The following TOGARAM1 variants were observed in gnomAD, a reference collection of about 807,000 sequenced individuals.
The protein encoded by TOGARAM1 is TOG array regulator of axonemal microtubules protein 1.
TOGARAM1 carries 100 observed loss-of-function variants against 166.6 expected under a neutral mutation model. The ratio of observed to expected loss-of-function variants is 0.60; its 90% CI spans 0.51 to 0.71. TOGARAM1 has a LOEUF of 0.71. TOGARAM1 is among the 30% of genes least tolerant of loss of function. The probability of loss-of-function intolerance (pLI) is 0.00; values close to 1 mark genes in which losing one functional copy is unlikely to be tolerated. For synonymous variants in TOGARAM1, 758 were observed against 763.8 expected (o/e 0.99, Z 0.13); for missense variants, 2,029 against 2,102.7 (o/e 0.96, Z 0.69).
At chr14:45,031,419 A>G (rs1035487913) in intron 10 of TOGARAM1, among the ~76,000 whole-genome samples, 2 of 152,186 alleles carry the variant, frequency 1.3e-5, no homozygotes, top group African/African-American at 4.8e-5. Flanking sequence ...GTCTTATTAT[A>G]GAGGAAACAT....
rs560588135 is a variant in TOGARAM1, at chr14:45,060,789, C to T, written c.4560-5789C>T. ...TAAAAGAAGTTATGCAAGAACACCA[C>T]AGAAGTGATGTTGTACCCTTCTCAC... On this transcript the variant is annotated intron_variant, in intron 16 of 19. Coordinates refer to ENST00000361462, the MANE Select transcript of TOGARAM1 (RefSeq NM_001308120.2). Among the ~76,000 whole-genome samples the T allele has an allele frequency of 3.0e-4, 46 of 152,264 alleles. No homozygotes were observed. The South Asian group carries it at 8.7e-3, about 29-fold the overall frequency.
chr14:44,978,368 A>G (rs1016899320), intron 1 of TOGARAM1: 1 of 152,264 alleles, frequency 6.6e-6, no homozygotes, highest in Non-Finnish European at 1.5e-5. Flanking sequence ...AATACTAACC[A>G]TACATGTATG....
chr14:45,019,903 G>A (rs932202797), intron 7 of TOGARAM1, among the ~76,000 whole-genome samples: 2 of 152,132 alleles, frequency 1.3e-5, no homozygotes, highest in African/African-American at 4.8e-5. Context: ...GGCATAGTAG[G>A]GGTCATGCAG....
At chr14:45,042,522 A>G (rs1215027149) in intron 11 of TOGARAM1, among the ~76,000 whole-genome samples, 1 of 152,128 alleles carries the variant, frequency 6.6e-6, no homozygotes, top group Admixed American at 6.6e-5. Context: ...ACATGAAGAA[A>G]ACAACTAATA....
chr14:44,983,766 T>C (rs1886651113), intron 1 of TOGARAM1, among the ~76,000 whole-genome samples: 1 of 152,236 alleles, frequency 6.6e-6, no homozygotes, highest in African/African-American at 2.4e-5. Flanking sequence ...TCTGAAAAGA[T>C]TTAATTTTCT....
intron 13 of TOGARAM1, among the ~76,000 whole-genome samples, chr14:45,045,180 A>C (rs1049107362): frequency 6.6e-6 from 1 of 151,892 alleles, no homozygotes; most frequent in African/African-American, 2.4e-5. Flanking sequence ...TTTTTATTTC[A>C]ATAGCTTTTA....
intron 1 of TOGARAM1, among the ~76,000 whole-genome samples, chr14:44,980,941 T>C (rs974115716): frequency 2.6e-5 from 4 of 152,144 alleles, no homozygotes; most frequent in African/African-American, 7.2e-5. Context: ...AGATGTGAGT[T>C]GTTCAGTTTT....
At chr14:45,042,575 T>C (rs1594683936) in intron 11 of TOGARAM1, among the ~76,000 whole-genome samples, 1 of 152,240 alleles carries the variant, frequency 6.6e-6, no homozygotes, top group Middle Eastern at 3.4e-3. Flanking sequence ...TATATCTATA[T>C]TATAATTGTA....
chr14:45,043,601 C>A (rs1353036128), intron 11 of TOGARAM1, 85 bp from the exon 12 acceptor site: 2 of 819,714 alleles, frequency 2.4e-6, no homozygotes, highest in Non-Finnish European at 2.1e-6. Flanking sequence ...TGGCAATATT[C>A]CATACACAGA....
chr14:45,040,313 G>T (rs1056211025), intron 11 of TOGARAM1, among the ~76,000 whole-genome samples: 1 of 152,134 alleles, frequency 6.6e-6, no homozygotes, highest in African/African-American at 2.4e-5. Flanking sequence ...CCAAATTAAA[G>T]AGGAATATGT....
At chr14:45,034,556 T>C (rs541627925) in intron 11 of TOGARAM1, among the ~76,000 whole-genome samples, 2 of 152,258 alleles carry the variant, frequency 1.3e-5, no homozygotes, top group African/African-American at 4.8e-5. Context: ...GTCAGGAGCA[T>C]ATACAATGTT....
rs759240451 is a variant in TOGARAM1, at chr14:45,073,350, T to G, written c.5111T>G (p.Leu1704Trp). ...RKPHATEQKV[L>W]VVLWHLLGNM... ...CCGCATGCCACAGAGCAGAAAGTGT[T>G]GGTTGTTTTATGGCATCTCTTAGGA... The change falls in exon 20 of 20, where the codon TTG becomes TGG. Residue 1704 changes from leucine to tryptophan, a missense_variant. Transcript: ENST00000361462. 7.4e-6 allele frequency: 12 copies of G among 1,614,176 alleles called. No homozygotes were observed.
chr14:45,019,567 G>T (rs767057297), intron 7 of TOGARAM1, among the ~76,000 whole-genome samples: 1 of 152,122 alleles, frequency 6.6e-6, no homozygotes, highest in Non-Finnish European at 1.5e-5. Context: ...TTGCCAGCTC[G>T]AATGCCTGGG....
chr14:45,011,836 GT>G (rs33926322), intron 6 of TOGARAM1, 138 bp from the exon 7 acceptor site: 9,156 of 553,192 alleles, frequency 0.017, 671 homozygotes, highest in African/African-American at 0.16. Flanking sequence ...GTTAGCCATA[GT>G]TTTTCAAGTG....
At position 44,962,863 on chromosome 14, in the gene TOGARAM1, G is replaced by C. The variant is rs1885258782; in HGVS notation, c.442G>C (p.Gly148Arg). The C allele has an allele frequency of 6.2e-7, 1 of 1,613,766 alleles. No homozygotes were observed. The highest frequency in any genetic ancestry group is 1.1e-5 in the South Asian group (1 of 91,080). The change falls in exon 1 of 20, where the codon GGT becomes CGT. Residue 148 changes from glycine (G) to arginine (R), a missense_variant. By Grantham distance (125) the Gly-to-Arg change is moderately radical. Coordinates refer to ENST00000361462, the MANE Select transcript of TOGARAM1 (RefSeq NM_001308120.2). ...ACTGGGCCGAGTGCTTGTGGAAGGAGGTAGTGATGAGAAGCGGCTCTGCTT... is the reference window on the plus strand; with the variant it reads ...ACTGGGCCGAGTGCTTGTGGAAGGACGTAGTGATGAGAAGCGGCTCTGCTT... The part of the protein sequence containing the change: ...RALGRVLVEG[G>R]SDEKRLCLQL...
intron 10 of TOGARAM1, among the ~76,000 whole-genome samples, chr14:45,030,021 C>T (rs1449853338): frequency 6.6e-6 from 1 of 152,038 alleles, no homozygotes; most frequent in Non-Finnish European, 1.5e-5. Flanking sequence ...GGGGTTTCAC[C>T]ATGTTGGACA....
chr14:44,963,714 G>C lies in TOGARAM1; in HGVS notation c.1293G>C (p.Gln431His). 6.2e-7 allele frequency: 1 copy of C among 1,614,016 alleles called. No individual in the cohort carries two copies. The highest frequency in any genetic ancestry group is 1.7e-5 in the Admixed American group (1 of 60,016). The change falls in exon 1 of 20, where the codon CAG becomes CAC. Residue 431 changes from glutamine to histidine, a missense_variant. Transcript: ENST00000361462. ...TTCGCCTTGGAGAGCAGGTACAGCA[G>C]TTCTTGGGACCAGTTATAGCAGCTT... ...LVIRLGEQVQ[Q>H]FLGPVIAASV...
At chr14:44,999,722 G>A (rs1887608148) in intron 3 of TOGARAM1, among the ~76,000 whole-genome samples, 1 of 152,054 alleles carries the variant, frequency 6.6e-6, no homozygotes, top group Admixed American at 6.6e-5. Flanking sequence ...TACTCATGGT[G>A]GAGATGAGTA....
chr14:44,974,156 G>C (rs66535982), intron 1 of TOGARAM1, among the ~76,000 whole-genome samples: 23,871 of 151,366 alleles, frequency 0.16, 3,484 homozygotes, highest in African/African-American at 0.39. Context: ...TATGTTACAC[G>C]TTTTGTAGTT....
Sources: allele counts gnomAD v4.1 joint callset (sites outside exome capture counted in the v4.1 genomes callset), GRCh38; gene constraint gnomAD v4.1.1; transcripts MANE v1.5; gene names NCBI Gene and HGNC (gene_info 2026-07-23, HGNC 2026-07-21).